The following NCS1 variants were observed in gnomAD, a reference collection of about 807,000 sequenced individuals.
NCS1 encodes the protein neuronal calcium sensor 1.
A neutral mutation model predicts 28.4 loss-of-function variants in NCS1; 6 were observed. That is an observed-to-expected ratio of 0.21 (90% CI 0.12 to 0.42). The LOEUF (loss-of-function observed/expected upper bound fraction) is 0.42. NCS1 is among the 10% of genes least tolerant of loss of function. NCS1 has a pLI of 1.00. For synonymous variants in NCS1, 86 were observed against 99.3 expected (o/e 0.87, Z 0.79); for missense variants, 131 against 241.4 (o/e 0.54, Z 3.03).
chr9:130,178,858 TCCC>T (rs1832614291), intron 1 of NCS1, among the ~76,000 whole-genome samples: 2 of 7,456 alleles, frequency 2.7e-4, no homozygotes, highest in Non-Finnish European at 5.4e-4. Context: ...TCCCCTCCCC[TCCC>T]CTCCCCTCCC....
At chr9:130,231,661 G>A (rs1554912140) in intron 7 of NCS1, among the ~76,000 whole-genome samples, 1 of 152,122 alleles carries the variant, frequency 6.6e-6, no homozygotes, top group East Asian at 1.9e-4. Context: ...TGGGATTACA[G>A]ACATGAGCCA....
intron 2 of NCS1, among the ~76,000 whole-genome samples, chr9:130,202,335 C>T (rs1024749173): frequency 2.8e-4 from 42 of 150,702 alleles, no homozygotes; most frequent in African/African-American, 9.5e-4. Context: ...GGGCTGTTAC[C>T]TCCTCGCCCC....
rs949478843 is a variant in NCS1, at chr9:130,186,546, C to T, written c.64+13819C>T. 2.6e-5 allele frequency among the ~76,000 whole-genome samples: 4 copies of T among 152,130 alleles called. No individual in the cohort carries two copies. Among genetic ancestry groups the T allele is most frequent in the African/African-American group, 9.7e-5 (4 of 41,406 alleles). On this transcript the variant is annotated intron_variant, in intron 1 of 7. Coordinates refer to ENST00000372398, the MANE Select transcript of NCS1 (RefSeq NM_014286.4). The surrounding 1 kb of genome is among the most constrained non-coding windows in gnomAD (Gnocchi z 4.1). ...GGGACGATGAGAGTGCTTCAGGCAG[C>T]AGGAACAGCATGTTCCAGGTCAGTC...
rs1244625655 is a variant in NCS1 at position 130,181,924 on chromosome 9, T to TG, written c.64+9202dup. Among the ~76,000 whole-genome samples the TG allele has an allele frequency of 4.4e-5, 6 of 137,678 alleles. No homozygotes were observed. Among genetic ancestry groups the TG allele is most frequent in the African/African-American group, 1.6e-4 (6 of 36,700 alleles). The allele number at this position is 137,678 out of a possible 152,430, so 90.3% of individuals were successfully genotyped here. A position where few individuals can be genotyped will look rare whatever the true frequency, so the allele number is the denominator to read the frequency against. On this transcript the variant is annotated intron_variant, in intron 1 of 7. Transcript: ENST00000372398. This position sits in a 1 kb window ranked among gnomAD's most constrained non-coding sequence, Gnocchi z 5.0. ...TACAGGTTGTAAATGTAGGTGTGCCTGGGGGTGGGGGACGCTGGGGAGGGA... is the reference window on the plus strand; with the variant it reads ...TACAGGTTGTAAATGTAGGTGTGCCTGGGGGGTGGGGGACGCTGGGGAGGGA...
At chr9:130,179,873 A>C (rs1554904983) in intron 1 of NCS1, among the ~76,000 whole-genome samples, 2 of 152,188 alleles carry the variant, frequency 1.3e-5, no homozygotes, top group East Asian at 3.9e-4. Flanking sequence ...AAGGTGAAGC[A>C]TCTTCCCCAA....
intron 1 of NCS1, among the ~76,000 whole-genome samples, chr9:130,189,389 A>G (rs1832784666): frequency 6.6e-6 from 1 of 152,204 alleles, no homozygotes; most frequent in Admixed American, 6.5e-5. Flanking sequence ...TGAGTAGGTC[A>G]GTTGCTTCAG....
Position 130,200,954 on chromosome 9 carries a change from G to A in NCS1, c.65-4G>A. The A allele has an allele frequency of 6.2e-7, 1 of 1,614,250 alleles. No homozygotes were observed. The highest frequency in any genetic ancestry group is 8.5e-7 in the Non-Finnish European group (1 of 1,180,050). On this transcript the variant is annotated splice_polypyrimidine_tract_variant and splice_region_variant and intron_variant, in intron 1 of 7. Transcript: ENST00000372398. ...AAAGCCTACTTTTCTGCTTTCTCTT[G>A]CAGTTACCGAGAAGGAGGTCCAGCA...
intron 2 of NCS1, among the ~76,000 whole-genome samples, chr9:130,207,357 C>T (rs929241998): frequency 7.9e-5 from 12 of 152,218 alleles, no homozygotes; most frequent in African/African-American, 2.7e-4. Context: ...CCTGGGTCAC[C>T]GTGCACTGGC....
intron 4 of NCS1, among the ~76,000 whole-genome samples, chr9:130,220,741 TTTTC>T (rs1214937321): frequency 2.0e-5 from 3 of 151,634 alleles, no homozygotes; most frequent in South Asian, 2.1e-4. Flanking sequence ...TTCTTTTTCT[TTTTC>T]TTTCTTTCTT....
At chr9:130,229,316 G>A (rs531127098) in intron 7 of NCS1, among the ~76,000 whole-genome samples, 24 of 148,204 alleles carry the variant, frequency 1.6e-4, no homozygotes, top group African/African-American at 4.7e-4. Flanking sequence ...GTGCAGTGGC[G>A]TGATCTTAGC....
In NCS1 at chr9:130,222,039, A is replaced by G. The variant is rs1363227316; in HGVS notation, c.308-611A>G. On this transcript the variant is annotated intron_variant, in intron 4 of 7. Transcript: ENST00000372398. ...ATATATACATAAATATAAATTATGT[A>G]TCTATAAATATATATACATAAATAT... 1.1e-4 allele frequency among the ~76,000 whole-genome samples: 2 copies of G among 18,768 alleles called. 1 individual carries two copies. Among genetic ancestry groups the G allele is most frequent in the Non-Finnish European group, 2.0e-4 (2 of 10,096 alleles). The allele number at this position is 18,768 out of a possible 152,430, so 12.3% of individuals were successfully genotyped here. A position where few individuals can be genotyped will look rare whatever the true frequency, so the allele number is the denominator to read the frequency against.
At chr9:130,173,985 G>A (rs1554904370) in intron 1 of NCS1, among the ~76,000 whole-genome samples, 1 of 152,182 alleles carries the variant, frequency 6.6e-6, no homozygotes, top group Non-Finnish European at 1.5e-5. Flanking sequence ...CTTCTCCTGT[G>A]GAATCCTGCA....
At chr9:130,228,144 A>G (rs1182863125) in intron 7 of NCS1, among the ~76,000 whole-genome samples, 1 of 151,968 alleles carries the variant, frequency 6.6e-6, no homozygotes, top group Non-Finnish European at 1.5e-5. Context: ...GTGTCTTTTT[A>G]TAGCATAATC....
intron 2 of NCS1, among the ~76,000 whole-genome samples, chr9:130,204,151 C>G (rs1312248609): frequency 6.6e-6 from 1 of 152,034 alleles, no homozygotes; most frequent in African/African-American, 2.4e-5. Flanking sequence ...CACCACCATG[C>G]CTGGCTAATA....
At chr9:130,201,163 A>C (rs896043706) in intron 2 of NCS1, among the ~76,000 whole-genome samples, 181 bp downstream of exon 2, 10 of 152,042 alleles carry the variant, frequency 6.6e-5, no homozygotes, top group African/African-American at 2.4e-4. Flanking sequence ...ACGTGGTTTC[A>C]GTGGAACTGG....
chr9:130,206,827 T>C (rs1588118016), intron 2 of NCS1, among the ~76,000 whole-genome samples: 1 of 151,120 alleles, frequency 6.6e-6, no homozygotes, highest in Admixed American at 6.6e-5. Flanking sequence ...CAACAGGCAG[T>C]GTAGGGTCCA....
chr9:130,226,590 A>G lies in NCS1; in HGVS notation c.*17+86A>G. The G allele has an allele frequency of 3.0e-6, 3 of 993,066 alleles. No individual in the cohort carries two copies. Among genetic ancestry groups the G allele is most frequent in the Non-Finnish European group, 3.1e-6 (2 of 651,018 alleles). 61.5% of individuals were successfully genotyped at this position (993,066 alleles called of 1,614,324 possible). ...GCAGGACACCTACGGTTGGCAGGTAATTACCTGGGTCTCTGGGGGTGTTGT... is the reference window on the plus strand; with the variant it reads ...GCAGGACACCTACGGTTGGCAGGTAGTTACCTGGGTCTCTGGGGGTGTTGT... On this transcript the variant is annotated intron_variant, in intron 7 of 7. Coordinates refer to ENST00000372398, the MANE Select transcript of NCS1 (RefSeq NM_014286.4). The surrounding 1 kb of genome is among the most constrained non-coding windows in gnomAD (Gnocchi z 4.8).
intron 2 of NCS1, among the ~76,000 whole-genome samples, chr9:130,201,934 G>A (rs1383884290): frequency 1.3e-5 from 2 of 152,224 alleles, no homozygotes; most frequent in African/African-American, 2.4e-5. Context: ...TGGAATGCCC[G>A]CCTTCCTTCC....
chr9:130,208,288 A>AT lies in NCS1; in HGVS notation c.89+7317dup, dbSNP rs1386499243. 4.2e-3 allele frequency among the ~76,000 whole-genome samples: 602 copies of AT among 144,842 alleles called. 2 individuals are homozygous for AT. Among genetic ancestry groups the AT allele is most frequent in the African/African-American group, 0.014 (543 of 39,696 alleles). The stretch of plus-strand genomic sequence containing the variant: ...CCTATTTTCCAACTTTTCTGCAACT[A>AT]TTTTTTTTTTTGAGACAGTCTCGCT... On this transcript the variant is annotated intron_variant, in intron 2 of 7. Transcript: ENST00000372398.
Sources: allele counts gnomAD v4.1 joint callset (sites outside exome capture counted in the v4.1 genomes callset), GRCh38; gene constraint gnomAD v4.1.1; non-coding constraint Gnocchi (gnomAD v3.1); transcripts MANE v1.5; gene names NCBI Gene and HGNC (gene_info 2026-07-23, HGNC 2026-07-21).